OTOA: variants seen among roughly 807,000 people sequenced by gnomAD.
OTOA encodes the protein cancer/testis antigen 108.
Under a neutral mutation model 110.8 loss-of-function variants are expected in OTOA, and 70 were observed. The ratio of observed to expected loss-of-function variants is 0.63; its 90% CI spans 0.52 to 0.77. The LOEUF is 0.77. Among genes scored for constraint, OTOA ranks in the 30% least tolerant of loss-of-function variants. OTOA has a pLI of 0.00. For synonymous variants in OTOA, 373 were observed against 431.5 expected, an observed-to-expected ratio of 0.86 and a Z score of 1.68; for missense variants, 917 against 1,075.8, an observed-to-expected ratio of 0.85 and a Z score of 2.06.
At chr16:21,733,493 A>G (rs1208560897) in intron 21 of OTOA, among the ~76,000 whole-genome samples, 2 of 151,752 alleles carry the variant, frequency 1.3e-5, no homozygotes. Flanking sequence ...TTAGACTGTG[A>G]CTCTAATTCT....
intron 1 of OTOA, among the ~76,000 whole-genome samples, chr16:21,674,483 G>A (rs1197725426): frequency 6.6e-6 from 1 of 151,910 alleles, no homozygotes; most frequent in Non-Finnish European, 1.5e-5. Flanking sequence ...ACAGGCATGA[G>A]CCACCATGCC....
chr16:21,694,011 A>G (rs1897884515), intron 9 of OTOA, among the ~76,000 whole-genome samples: 1 of 152,242 alleles, frequency 6.6e-6, no homozygotes, highest in African/African-American at 2.4e-5. Flanking sequence ...TGCAGCTTGA[A>G]GACAGCTGTA....
chr16:21,666,316 C>T (rs1434098280), intron 1 of OTOA, among the ~76,000 whole-genome samples: 1 of 148,698 alleles, frequency 6.7e-6, no homozygotes, highest in Non-Finnish European at 1.5e-5. Flanking sequence ...GTTCATGACC[C>T]AGAGCTTAAA....
At chr16:21,674,369 G>A (rs753958795) in intron 1 of OTOA, among the ~76,000 whole-genome samples, 1 of 151,932 alleles carries the variant, frequency 6.6e-6, no homozygotes, top group Non-Finnish European at 1.5e-5. Context: ...GGAGTGCAGT[G>A]GTGCAATCTT....
Position 21,679,161 on chromosome 16 carries a change from T to C in OTOA, c.152-23T>C, listed in dbSNP as rs1208177245. 6 of 1,613,936 alleles carry C rather than the reference T, an allele frequency of 3.7e-6. 1 individual carries two copies. The highest frequency in any genetic ancestry group is 4.2e-6 in the Non-Finnish European group (5 of 1,179,904). On this transcript the variant is annotated intron_variant, in intron 4 of 28. Transcript: ENST00000646100. The stretch of plus-strand genomic sequence containing the variant: ...TGGAATGATTCCTTTTAAAGATGTC[T>C]TTTCATTTTACTCCCATTGTAGCAC...
At chr16:21,717,375 G>A (rs745598489) in intron 15 of OTOA, among the ~76,000 whole-genome samples, 1 of 152,062 alleles carries the variant, frequency 6.6e-6, no homozygotes, top group African/African-American at 2.4e-5. Context: ...TGGGAGTTCC[G>A]CAATGCAGTG....
chr16:21,758,253 C>G (rs1014300790), intron 28 of OTOA, among the ~76,000 whole-genome samples: 3 of 151,868 alleles, frequency 2.0e-5, no homozygotes, highest in African/African-American at 7.3e-5. Flanking sequence ...GGACCATGCT[C>G]TGGGGAGATA....
chr16:21,695,891 A>ATATATATTTTT (rs569493650), intron 9 of OTOA, among the ~76,000 whole-genome samples: 6 of 41,902 alleles, frequency 1.4e-4, no homozygotes, highest in African/African-American at 7.3e-4. Flanking sequence ...ATATATATAT[A>ATATATATTTTT]TTTTTTTTTT....
intron 10 of OTOA, among the ~76,000 whole-genome samples, 164 bp downstream of exon 10, chr16:21,698,039 A>G (rs544631459): frequency 6.6e-6 from 1 of 152,286 alleles, no homozygotes; most frequent in Non-Finnish European, 1.5e-5. Flanking sequence ...ATTGGAAGAA[A>G]GTTTCAAGTG....
chr16:21,718,672 G>C (rs556678413), intron 15 of OTOA, among the ~76,000 whole-genome samples: 9 of 152,228 alleles, frequency 5.9e-5, no homozygotes, highest in East Asian at 5.8e-4. Context: ...GTGCTCATTG[G>C]GGGGTGGTTT....
At chr16:21,758,811 G>A (rs2141770054) in intron 28 of OTOA, among the ~76,000 whole-genome samples, 2 of 151,710 alleles carry the variant, frequency 1.3e-5, no homozygotes, top group Non-Finnish European at 2.9e-5. Flanking sequence ...AGACCAGCCT[G>A]GCCAACATGG....
At chr16:21,719,325 G>T in intron 16 of OTOA, 62 bp from the exon 17 acceptor site, 2 of 1,568,854 alleles carry the variant, frequency 1.3e-6, no homozygotes, top group Non-Finnish European at 1.8e-6. Flanking sequence ...GCCTTCTCTC[G>T]CTCTTTCTTT....
rs755715887 is a variant in OTOA, at chr16:21,697,764, A to AT, written c.740-5dup. 1.2e-5 allele frequency: 19 copies of AT among 1,612,788 alleles called. No individual in the cohort carries two copies. The East Asian group carries it at 3.8e-4, about 32-fold the overall frequency. ...TATGTACTCATTTATTCATTTCTTTATTTTTTGTAGATGACTCTGCTTCAT... is the reference window on the plus strand; with the variant it reads ...TATGTACTCATTTATTCATTTCTTTATTTTTTTGTAGATGACTCTGCTTCAT... On this transcript the variant is annotated splice_polypyrimidine_tract_variant and intron_variant, in intron 9 of 28. Transcript: ENST00000646100.
At chr16:21,720,933 A>G (rs1308959521) in intron 17 of OTOA, among the ~76,000 whole-genome samples, 2 of 150,028 alleles carry the variant, frequency 1.3e-5, no homozygotes, top group Admixed American at 6.7e-5. Flanking sequence ...CATTATTATT[A>G]TTATTGAGAC....
At chr16:21,709,799 C>G (rs1898298829) in intron 12 of OTOA, 89 bp from the exon 13 acceptor site, 6 of 1,129,442 alleles carry the variant, frequency 5.3e-6, no homozygotes, top group Middle Eastern at 2.3e-4. Context: ...AAGGGAGGTG[C>G]TGTGGAGTCC....
At chr16:21,704,683 T>A (rs1169477982) in intron 11 of OTOA, among the ~76,000 whole-genome samples, 1 of 152,118 alleles carries the variant, frequency 6.6e-6, no homozygotes, top group Non-Finnish European at 1.5e-5. Flanking sequence ...CCATGCGCAA[T>A]GGAAAACCAA....
chr16:21,719,325 G>C (rs189243124), intron 16 of OTOA, 62 bp from the exon 17 acceptor site: 30 of 1,568,738 alleles, frequency 1.9e-5, no homozygotes, highest in East Asian at 4.5e-5. Context: ...GCCTTCTCTC[G>C]CTCTTTCTTT....
chr16:21,698,395 A>G (rs1387534309), intron 10 of OTOA, among the ~76,000 whole-genome samples: 2 of 152,188 alleles, frequency 1.3e-5, no homozygotes, highest in African/African-American at 4.8e-5. Flanking sequence ...TTAACTCACT[A>G]GTCAACCTGT....
intron 20 of OTOA, 21 bp downstream of exon 20, chr16:21,728,452 G>T (rs1442839560): frequency 6.2e-7 from 1 of 1,609,526 alleles, no homozygotes. Flanking sequence ...GCTGGGTTTG[G>T]CTTTTGGTGG....
Sources: allele counts gnomAD v4.1 joint callset (sites outside exome capture counted in the v4.1 genomes callset), GRCh38; gene constraint gnomAD v4.1.1; transcripts MANE v1.5; gene names NCBI Gene and HGNC (gene_info 2026-07-23, HGNC 2026-07-21).